DEUP1: variants seen among roughly 807,000 people sequenced by gnomAD.
DEUP1 encodes coiled-coil domain containing 67.
A neutral mutation model predicts 87.4 loss-of-function variants in DEUP1; 82 were observed. The ratio of observed to expected loss-of-function variants is 0.94; its 90% CI spans 0.78 to 1.13. The LOEUF (loss-of-function observed/expected upper bound fraction) is 1.13, where lower values mean the gene tolerates loss of function less well. DEUP1 is among the 50% of genes most tolerant of loss of function. The pLI, the probability that DEUP1 is intolerant of heterozygous loss-of-function variation, is 0.00. For synonymous variants in DEUP1, 214 were observed against 222.7 expected, an observed-to-expected ratio of 0.96 and a Z score of 0.35; for missense variants, 663 against 681.5, an observed-to-expected ratio of 0.97 and a Z score of 0.30.
intron 2 of DEUP1, among the ~76,000 whole-genome samples, chr11:93,338,282 C>T (rs1447035300): frequency 1.3e-5 from 2 of 152,154 alleles, no homozygotes; most frequent in Admixed American, 6.6e-5. Flanking sequence ...GAAGTTGGTC[C>T]TATAACACTA....
intron 2 of DEUP1, among the ~76,000 whole-genome samples, chr11:93,346,425 C>T (rs1944351817): frequency 6.6e-6 from 1 of 152,156 alleles, no homozygotes; most frequent in Non-Finnish European, 1.5e-5. Context: ...CAGAGTTTCA[C>T]CATGTTGCCC....
intron 2 of DEUP1, among the ~76,000 whole-genome samples, chr11:93,336,563 T>C (rs1218482036): frequency 6.6e-6 from 1 of 152,164 alleles, no homozygotes; most frequent in East Asian, 1.9e-4. Flanking sequence ...ACCAGCATTC[T>C]GGGAGCTGAA....
At chr11:93,427,679 T>C (rs978046063) in intron 13 of DEUP1, among the ~76,000 whole-genome samples, 16 of 150,634 alleles carry the variant, frequency 1.1e-4, no homozygotes, top group African/African-American at 3.2e-4. Context: ...ACCATCAGAG[T>C]GAACAGGCAA....
At chr11:93,430,529 T>C (rs1048621175) in intron 13 of DEUP1, among the ~76,000 whole-genome samples, 2 of 152,102 alleles carry the variant, frequency 1.3e-5, no homozygotes, top group African/African-American at 4.8e-5. Context: ...AATAGCCAAA[T>C]AGGTAAATGA....
intron 11 of DEUP1, among the ~76,000 whole-genome samples, chr11:93,398,782 A>G (rs11020309): frequency 0.25 from 37,997 of 149,016 alleles, 5,155 homozygotes; most frequent in Middle Eastern, 0.38. Flanking sequence ...GTGCAGCGGC[A>G]TGATCTTGGC....
intron 4 of DEUP1, among the ~76,000 whole-genome samples, chr11:93,361,881 G>A (rs989850289): frequency 2.0e-5 from 3 of 151,920 alleles, no homozygotes; most frequent in African/African-American, 7.2e-5. Flanking sequence ...AACTATATAG[G>A]CAAGTTGAAA....
At chr11:93,402,709 G>A (rs1198645037) in intron 11 of DEUP1, among the ~76,000 whole-genome samples, 1 of 151,932 alleles carries the variant, frequency 6.6e-6, no homozygotes, top group Non-Finnish European at 1.5e-5. Context: ...AATCCTGTCA[G>A]TTGTAGCAAA....
chr11:93,418,624 C>T lies in DEUP1; in HGVS notation c.1638+3510C>T, dbSNP rs1302917651. On this transcript the variant is annotated intron_variant, in intron 13 of 13. Transcript: ENST00000298050. ...TCAACCATTGTGGAAGTCAGTGTGG[C>T]GATTCCTCAGGGATCTAGAACTAGA... Among the ~76,000 whole-genome samples the T allele has an allele frequency of 4.6e-5, 7 of 151,806 alleles. No homozygotes were observed. The East Asian group carries it at 5.8e-4, about 13-fold the overall frequency.
chr11:93,411,969 ATGTT>A (rs1354034613), intron 12 of DEUP1, among the ~76,000 whole-genome samples: 37 of 152,284 alleles, frequency 2.4e-4, no homozygotes, highest in Non-Finnish European at 7.4e-5. Context: ...GAATCTGAGA[ATGTT>A]TGTACTGTGG....
chr11:93,344,185 A>G (rs1214782834), intron 2 of DEUP1, among the ~76,000 whole-genome samples: 1 of 152,190 alleles, frequency 6.6e-6, no homozygotes, highest in Non-Finnish European at 1.5e-5. Context: ...TCACAGACGT[A>G]TCTATGAAAG....
intron 13 of DEUP1, among the ~76,000 whole-genome samples, chr11:93,418,440 A>G (rs1947727670): frequency 6.6e-6 from 1 of 152,210 alleles, no homozygotes; most frequent in Admixed American, 6.5e-5. Context: ...AATGCTCACT[A>G]TCACTGGCCA....
At chr11:93,408,478 A>T in intron 12 of DEUP1, 51 bp downstream of exon 12, 1 of 1,174,302 alleles carries the variant, frequency 8.5e-7, no homozygotes, top group Non-Finnish European at 1.2e-6. Flanking sequence ...ATGTAATTAA[A>T]ATTTATTTTT....
At chr11:93,418,608 G>A (rs1207641175) in intron 13 of DEUP1, among the ~76,000 whole-genome samples, 2 of 151,718 alleles carry the variant, frequency 1.3e-5, no homozygotes, top group Non-Finnish European at 2.9e-5. Flanking sequence ...TTCAACCATT[G>A]TGGAAGTCAG....
chr11:93,359,044 G>C (rs1320940066), intron 4 of DEUP1, among the ~76,000 whole-genome samples: 2 of 152,160 alleles, frequency 1.3e-5, no homozygotes, highest in African/African-American at 4.8e-5. Flanking sequence ...GAAAGGGAAG[G>C]AGAGCAAAAG....
chr11:93,362,127 A>G (rs1945204023), intron 4 of DEUP1, among the ~76,000 whole-genome samples: 1 of 152,060 alleles, frequency 6.6e-6, no homozygotes, highest in South Asian at 2.1e-4. Flanking sequence ...AAGAAAACAT[A>G]GGAGTAAATC....
intron 10 of DEUP1, 132 bp from the exon 11 acceptor site, chr11:93,396,107 T>C (rs1006259050): frequency 3.1e-6 from 2 of 653,128 alleles, no homozygotes; most frequent in African/African-American, 3.7e-5. Context: ...TACCTGAATG[T>C]TATTGGTCGT....
intron 13 of DEUP1, among the ~76,000 whole-genome samples, chr11:93,418,094 G>T (rs969647526): frequency 6.6e-6 from 1 of 152,080 alleles, no homozygotes. Flanking sequence ...GAAAACCTAG[G>T]CATTACCATT....
chr11:93,367,792 G>A (rs576109857), intron 5 of DEUP1, among the ~76,000 whole-genome samples: 2 of 152,222 alleles, frequency 1.3e-5, no homozygotes, highest in East Asian at 3.9e-4. Flanking sequence ...TATAAAGTTT[G>A]TTTCCAACCA....
At chr11:93,395,253 A>G (rs1946904331) in intron 10 of DEUP1, among the ~76,000 whole-genome samples, 1 of 152,056 alleles carries the variant, frequency 6.6e-6, no homozygotes, top group Admixed American at 6.6e-5. Context: ...AATTCCCTCC[A>G]TCCCTTACTC....
Sources: gnomAD v4.1 joint callset for allele counts (sites outside exome capture counted in the v4.1 genomes callset) on GRCh38, gnomAD v4.1.1 for gene constraint, MANE v1.5 for transcripts, NCBI Gene and HGNC (gene_info 2026-07-23, HGNC 2026-07-21) for gene names.